ZAP70: variants seen among roughly 807,000 people sequenced by gnomAD.
ZAP70 encodes the protein zeta chain of T cell receptor associated protein kinase 70, also known as tyrosine-protein kinase ZAP-70.
In ZAP70, 27 loss-of-function variants were observed where a neutral mutation model predicts 65.8. That is an observed-to-expected ratio of 0.41 (90% CI 0.30 to 0.57). The LOEUF (loss-of-function observed/expected upper bound fraction) is 0.57, where lower values mean the gene tolerates loss of function less well. Ranked by LOEUF, ZAP70 falls within the 20% of genes least tolerant of loss-of-function variation. The pLI is 0.28. For missense variants in ZAP70, 696 were observed against 870.5 expected, an observed-to-expected ratio of 0.80 and a Z score of 2.52; for synonymous variants, 363 against 360.8, an observed-to-expected ratio of 1.01 and a Z score of -0.07.
downstream of ZAP70, among the ~76,000 whole-genome samples, chr2:97,740,185 C>A (rs904274277): frequency 2.0e-5 from 3 of 152,142 alleles, no homozygotes; most frequent in Admixed American, 6.5e-5. Flanking sequence ...GCTAACCCCC[C>A]CTCCCCCATC....
chr2:97,755,114 C>G, the ZAP70 span, among the ~76,000 whole-genome samples: 2 of 152,142 alleles, frequency 1.3e-5, no homozygotes, highest in African/African-American at 4.8e-5. Context: ...CAAAGCCTGG[C>G]TTTAACACAG....
chr2:97,735,481 T>C (rs776855562), intron 10 of ZAP70, 25 bp downstream of exon 10: 10 of 1,587,752 alleles, frequency 6.3e-6, no homozygotes, highest in Non-Finnish European at 8.6e-6. Flanking sequence ...GGCCCGGCCA[T>C]CGGGTGGGTG....
rs199539961 is a variant in ZAP70 at position 97,737,691 on chromosome 2, G to A, written c.1482+26G>A. 4.0e-5 allele frequency: 65 copies of A among 1,613,896 alleles called. No homozygotes were observed. In the African/African-American group the frequency reaches 6.9e-4, roughly 17 times the overall value. On this transcript the variant is annotated intron_variant, in intron 11 of 13. Transcript: ENST00000264972. The surrounding 1 kb of genome is among the most constrained non-coding windows in gnomAD (Gnocchi z 5.0). ...GTAAGCCTCTGCCCCTGTGATGCCC[G>A]ACTGGATGGGCTGGGTGGGTAGAGG...
chr2:97,724,695 G>T, intron 3 of ZAP70: 1 of 1,520,060 alleles, frequency 6.6e-7, no homozygotes, highest in South Asian at 1.2e-5. Context: ...GTAGAGGGAC[G>T]CACTGGGCCG....
At chr2:97,738,943 C>G (rs1678025138) in intron 13 of ZAP70, among the ~76,000 whole-genome samples, 2 of 152,164 alleles carry the variant, frequency 1.3e-5, no homozygotes, top group Non-Finnish European at 2.9e-5. Context: ...GACCCACTGC[C>G]ATGCTCCAGG....
Position 97,734,716 on chromosome 2 carries a change from T to A in ZAP70, c.1082+4T>A. ...AGGGCGTGTACCGCATGCGCAAGTATGGCCGCCCCTGCCGTGGTGGGAGCA... is the reference window on the plus strand; with the variant it reads ...AGGGCGTGTACCGCATGCGCAAGTAAGGCCGCCCCTGCCGTGGTGGGAGCA... On this transcript the variant is annotated splice_donor_region_variant and intron_variant, in intron 9 of 13. Coordinates refer to ENST00000264972, the MANE Select transcript of ZAP70 (RefSeq NM_001079.4). The A allele has an allele frequency of 6.2e-6, 10 of 1,613,292 alleles. No homozygotes were observed. Among genetic ancestry groups the A allele is most frequent in the Non-Finnish European group, 8.5e-6 (10 of 1,179,928 alleles).
At chr2:97,748,358 A>G in the ZAP70 span, among the ~76,000 whole-genome samples, 2 of 152,202 alleles carry the variant, frequency 1.3e-5, no homozygotes, top group Admixed American at 6.5e-5. Flanking sequence ...TTCTTTGATC[A>G]AGAAGAAGCT....
downstream of ZAP70, among the ~76,000 whole-genome samples, chr2:97,742,372 G>C (rs1054983810): frequency 1.3e-5 from 2 of 152,248 alleles, no homozygotes; most frequent in African/African-American, 4.8e-5. Flanking sequence ...AGTGTTTTCA[G>C]ATGTGCGCCA....
Position 97,724,073 on chromosome 2 carries a change from G to T in ZAP70, c.37G>T (p.Gly13Cys). The T allele has an allele frequency of 3.8e-6, 6 of 1,559,244 alleles. No individual in the cohort carries two copies. The highest frequency in any genetic ancestry group is 5.2e-6 in the Non-Finnish European group (6 of 1,157,248). ...CGCGGCGCACCTGCCCTTCTTCTAC[G>T]GCAGCATCTCGCGTGCCGAGGCCGA... ...DPAAHLPFFY[G>C]SISRAEAEEH... The change falls in exon 3 of 14, where the codon GGC (glycine) becomes TGC (cysteine). Residue 13 changes from glycine (G) to cysteine (C), a missense_variant. Physicochemically the swap from Gly to Cys is radical, Grantham distance 159. Coordinates refer to ENST00000264972, the MANE Select transcript of ZAP70 (RefSeq NM_001079.4).
intron 4 of ZAP70, among the ~76,000 whole-genome samples, chr2:97,725,499 C>G (rs1677351680): frequency 2.6e-5 from 4 of 152,232 alleles, no homozygotes; most frequent in Admixed American, 2.0e-4. Flanking sequence ...CACCTGCTGG[C>G]TGTGGCCCTT....
chr2:97,743,268 A>G (rs571596779), downstream of ZAP70, among the ~76,000 whole-genome samples: 1 of 152,246 alleles, frequency 6.6e-6, no homozygotes, highest in South Asian at 2.1e-4. Context: ...TTATTCTAGC[A>G]ATGAAACTTT....
rs200511463 is a variant in ZAP70 at position 97,734,603 on chromosome 2, C to T, written c.973C>T (p.Leu325Phe). Reference protein sequence around the residue: ...YESPYSDPEELKDKKLFLKRD... With the variant: ...YESPYSDPEEFKDKKLFLKRD... ...GAGCCCCTACAGCGACCCAGAGGAG[C>T]TCAAGGACAAGAAGCTCTTCCTGAA... Residue 325 changes from leucine (L) to phenylalanine (F), a missense_variant, in exon 9 of 14, where the codon CTC (leucine) becomes TTC (phenylalanine). Coordinates refer to ENST00000264972, the MANE Select transcript of ZAP70 (RefSeq NM_001079.4). 45 of 1,614,226 alleles carry T rather than the reference C, an allele frequency of 2.8e-5. No individual in the cohort carries two copies. The highest frequency in any genetic ancestry group is 2.2e-4 in the South Asian group (20 of 91,092).
chr2:97,756,095 G>C, the ZAP70 span, among the ~76,000 whole-genome samples: 1 of 152,196 alleles, frequency 6.6e-6, no homozygotes, highest in African/African-American at 2.4e-5. Context: ...GTGGCAGAGG[G>C]AAAACGCTTA....
At chr2:97,725,874 C>T (rs1677368432) in intron 4 of ZAP70, among the ~76,000 whole-genome samples, 1 of 152,044 alleles carries the variant, frequency 6.6e-6, no homozygotes, top group Admixed American at 6.5e-5. Context: ...GATCAGGAGG[C>T]AGGAGTCTAT....
the ZAP70 span, among the ~76,000 whole-genome samples, chr2:97,752,929 G>A: frequency 6.6e-6 from 1 of 152,132 alleles, no homozygotes; most frequent in East Asian, 1.9e-4. Context: ...GTAAAATTAG[G>A]ACAAGGCTAC....
chr2:97,724,105 C>A lies in ZAP70; in HGVS notation c.69C>A (p.His23Gln). The A allele has an allele frequency of 6.4e-7, 1 of 1,568,514 alleles. No individual in the cohort carries two copies. The highest frequency in any genetic ancestry group is 8.6e-7 in the Non-Finnish European group (1 of 1,160,038). Residue 23 changes from histidine (H) to glutamine (Q), a missense_variant, in exon 3 of 14, where the codon CAC becomes CAA. By Grantham distance (24) the His-to-Gln change is conservative. Around this residue, in one of 3 missense-constraint regions of ZAP70, gnomAD observed 551 missense variants for 630.0 expected, o/e 0.87. Coordinates refer to ENST00000264972, the MANE Select transcript of ZAP70 (RefSeq NM_001079.4). ...GSISRAEAEE[H>Q]LKLAGMADGL... ...TCTCGCGTGCCGAGGCCGAGGAGCA[C>A]CTGAAGCTGGCGGGCATGGCGGACG...
chr2:97,740,245 A>G (rs1318522260), downstream of ZAP70, among the ~76,000 whole-genome samples: 1 of 152,062 alleles, frequency 6.6e-6, no homozygotes. Flanking sequence ...CATGAGATAC[A>G]ATGCTTTTCA....
At chr2:97,744,774 A>G (rs147920944), downstream of ZAP70, among the ~76,000 whole-genome samples, 291 of 152,328 alleles carry the variant, frequency 1.9e-3, 1 homozygote, top group Middle Eastern at 6.8e-3. Flanking sequence ...GTACCAGGAC[A>G]ACTTGATTTC....
intron 3 of ZAP70, 50 bp downstream of exon 3, chr2:97,724,488 G>A: frequency 6.6e-7 from 1 of 1,504,982 alleles, no homozygotes; most frequent in Admixed American, 2.0e-5. Flanking sequence ...GGCCGAAGAG[G>A]GGCAGTCGAG....
Sources: allele counts gnomAD v4.1 joint callset (sites outside exome capture counted in the v4.1 genomes callset), GRCh38; gene constraint gnomAD v4.1.1; regional missense constraint gnomAD v4.1.1; non-coding constraint Gnocchi (gnomAD v3.1); transcripts MANE v1.5; gene names NCBI Gene and HGNC (gene_info 2026-07-23, HGNC 2026-07-21).